The following NFX1 variants were observed in gnomAD, a reference collection of about 807,000 sequenced individuals.
The protein encoded by NFX1 is transcriptional repressor NF-X1.
In NFX1, 69 loss-of-function variants were observed where a neutral mutation model predicts 137.2. That is an observed-to-expected ratio of 0.50 (90% CI 0.41 to 0.61). The LOEUF is 0.61. Among genes scored for constraint, NFX1 ranks in the 20% least tolerant of loss-of-function variants. NFX1 has a pLI of 0.00. For synonymous variants in NFX1, 495 were observed against 474.1 expected (o/e 1.04, Z -0.57); for missense variants, 1,167 against 1,391.0 (o/e 0.84, Z 2.56).
At chr9:33,329,581 T>C (rs1329966866) in intron 10 of NFX1, among the ~76,000 whole-genome samples, 1 of 152,206 alleles carries the variant, frequency 6.6e-6, no homozygotes, top group Non-Finnish European at 1.5e-5. Context: ...GTTTAATTCT[T>C]CACTGTACAT....
At chr9:33,357,194 C>T (rs1257138534) in intron 19 of NFX1, among the ~76,000 whole-genome samples, 8 of 151,842 alleles carry the variant, frequency 5.3e-5, no homozygotes, top group Admixed American at 1.3e-4. Flanking sequence ...CCCAGCTACT[C>T]GGGAAGCTGA....
At position 33,352,693 on chromosome 9, in the gene NFX1, C is replaced by T; in HGVS notation, c.2703C>T (p.Cys901=). Residue 901 remains cysteine, a synonymous_variant, in exon 17 of 24, where the codon TGC becomes TGT. Coordinates refer to ENST00000379540, the MANE Select transcript of NFX1 (RefSeq NM_002504.6). ...ECGRRKEMVI[C]SEASSTYQRI... ...GACGAAGAAAAGAGATGGTGATTTG[C>T]TCTGAAGCATCTAGTACTTATCAAA... 6.2e-7 allele frequency: 1 copy of T among 1,614,122 alleles called. No individual in the cohort carries two copies. Among genetic ancestry groups the T allele is most frequent in the Non-Finnish European group, 8.5e-7 (1 of 1,179,960 alleles).
In NFX1 at chr9:33,363,107, A is replaced by G. The variant is rs892792611; in HGVS notation, c.2874-903A>G. On this transcript the variant is annotated intron_variant, in intron 19 of 23. Coordinates refer to ENST00000379540, the MANE Select transcript of NFX1 (RefSeq NM_002504.6). ...AGAGGCTTCTGTGTATTCTCACCAC[A>G]GTGAAATAATAAGGGCATCAGGTGA... 1.3e-4 allele frequency among the ~76,000 whole-genome samples: 20 copies of G among 152,058 alleles called. 1 individual carries two copies. Among genetic ancestry groups the G allele is most frequent in the Admixed American group, 6.6e-5 (1 of 15,258 alleles).
chr9:33,341,432 T>C (rs1423426671), intron 12 of NFX1, among the ~76,000 whole-genome samples: 1 of 152,112 alleles, frequency 6.6e-6, no homozygotes, highest in Non-Finnish European at 1.5e-5. Context: ...AGATAAGATT[T>C]GGGTGGAGAC....
intron 14 of NFX1, 130 bp downstream of exon 14, chr9:33,344,318 G>T: frequency 7.8e-7 from 1 of 1,288,826 alleles, no homozygotes; most frequent in Non-Finnish European, 1.1e-6. Context: ...TCAGGGGCTG[G>T]TTCTCTGAAG....
At chr9:33,361,498 C>T (rs1282238247) in intron 19 of NFX1, among the ~76,000 whole-genome samples, 1 of 151,872 alleles carries the variant, frequency 6.6e-6, no homozygotes, top group African/African-American at 2.4e-5. Context: ...AAAGGCTGGG[C>T]GCAGTGGCTC....
chr9:33,364,395 C>G (rs1824107346), intron 20 of NFX1, among the ~76,000 whole-genome samples: 1 of 152,130 alleles, frequency 6.6e-6, no homozygotes, highest in African/African-American at 2.4e-5. Context: ...TGGAGGATCT[C>G]TGGGCTTCAT....
chr9:33,329,224 C>T (rs191580555), intron 10 of NFX1, among the ~76,000 whole-genome samples: 21 of 152,338 alleles, frequency 1.4e-4, no homozygotes, highest in East Asian at 9.6e-4. Context: ...TTACTCTCTC[C>T]GCTTCAGTGT....
At chr9:33,367,877 C>T (rs901582120) in intron 23 of NFX1, among the ~76,000 whole-genome samples, 2 of 151,322 alleles carry the variant, frequency 1.3e-5, no homozygotes, top group Non-Finnish European at 3.0e-5. Context: ...GATGGTGACA[C>T]TGGGAAGTGG....
intron 9 of NFX1, among the ~76,000 whole-genome samples, chr9:33,328,035 G>T (rs1472283375): frequency 6.6e-6 from 1 of 152,176 alleles, no homozygotes; most frequent in African/African-American, 2.4e-5. Flanking sequence ...TTTTGAAACA[G>T]GGTCTTGCTC....
chr9:33,321,750 G>A lies in NFX1; in HGVS notation c.1906+2623G>A, dbSNP rs571013094. 3.2e-3 allele frequency among the ~76,000 whole-genome samples: 485 copies of A among 152,152 alleles called. 2 individuals carry two copies. The highest frequency in any genetic ancestry group is 0.011 in the African/African-American group (466 of 41,506). On this transcript the variant is annotated intron_variant, in intron 9 of 23. Coordinates refer to ENST00000379540, the MANE Select transcript of NFX1 (RefSeq NM_002504.6). ...TTTATTTACCTGGGTATGGCGGCAC[G>A]TGCCTGTGGTCCCAGCTACTTGGGA... is the stretch of plus-strand genomic sequence containing the variant.
rs1220987612 is a variant in NFX1 at position 33,294,558 on chromosome 9, A to T, written c.164A>T (p.His55Leu). The change falls in exon 2 of 24, where the codon CAC becomes CTC. Residue 55 changes from histidine (H) to leucine (L), a missense_variant. By Grantham distance (99) the His-to-Leu change is moderately conservative. Transcript: ENST00000379540. ...RRNYSSPPPCHLSRQVPYDEI... is the reference protein window; with the variant it reads ...RRNYSSPPPCLLSRQVPYDEI... ...AATTACAGTTCACCACCTCCCTGTC[A>T]CCTTTCCAGGCAGGTCCCTTATGAT... The T allele has an allele frequency of 6.2e-7, 1 of 1,614,026 alleles. No homozygotes were observed. The highest frequency in any genetic ancestry group is 1.3e-5 in the African/African-American group (1 of 74,902).
At chr9:33,328,148 CTG>C (rs1822664566) in intron 9 of NFX1, among the ~76,000 whole-genome samples, 3 of 151,676 alleles carry the variant, frequency 2.0e-5, no homozygotes, top group Admixed American at 6.6e-5. Flanking sequence ...GTAGCTGGGA[CTG>C]TAGGCCTGCA....
At chr9:33,317,390 G>A (rs530220675) in intron 7 of NFX1, among the ~76,000 whole-genome samples, 3 of 143,050 alleles carry the variant, frequency 2.1e-5, no homozygotes, top group East Asian at 2.0e-4. Flanking sequence ...CTGCACTCCA[G>A]CCTGGGTGAC....
At chr9:33,297,128 T>TA (rs1476800821) in intron 2 of NFX1, among the ~76,000 whole-genome samples, 1 of 152,220 alleles carries the variant, frequency 6.6e-6, no homozygotes, top group Non-Finnish European at 1.5e-5. Flanking sequence ...CCCCTCTCCT[T>TA]ACTGCAAATC....
chr9:33,299,808 A>G (rs1821487983), intron 2 of NFX1, among the ~76,000 whole-genome samples: 1 of 152,216 alleles, frequency 6.6e-6, no homozygotes, highest in Non-Finnish European at 1.5e-5. Flanking sequence ...ACACTCAGCA[A>G]GGTAGACAAA....
chr9:33,341,380 G>A (rs1823214334), intron 12 of NFX1, among the ~76,000 whole-genome samples: 1 of 152,078 alleles, frequency 6.6e-6, no homozygotes, highest in African/African-American at 2.4e-5. Context: ...CCATGATTTA[G>A]TTAACTCCTA....
chr9:33,350,470 A>T (rs933886111), intron 15 of NFX1, among the ~76,000 whole-genome samples: 2 of 152,186 alleles, frequency 1.3e-5, no homozygotes, highest in African/African-American at 2.4e-5. Flanking sequence ...CCTGCCAGTT[A>T]GTCATAGCAT....
intron 23 of NFX1, among the ~76,000 whole-genome samples, chr9:33,369,222 C>T (rs1428930113): frequency 2.0e-5 from 3 of 152,048 alleles, no homozygotes; most frequent in South Asian, 2.1e-4. Context: ...CCTGCCACCA[C>T]GCCCGGCTAA....
Sources: gnomAD v4.1 joint callset for allele counts (sites outside exome capture counted in the v4.1 genomes callset) on GRCh38, gnomAD v4.1.1 for gene constraint, MANE v1.5 for transcripts, NCBI Gene and HGNC (gene_info 2026-07-23, HGNC 2026-07-21) for gene names.